RBM6: variants seen among roughly 807,000 people sequenced by gnomAD.
The protein encoded by RBM6 is RNA-binding protein 6.
RBM6 carries 23 observed loss-of-function variants against 140.4 expected under a neutral mutation model. That is an observed-to-expected ratio of 0.16 (90% CI 0.12 to 0.23). The LOEUF (loss-of-function observed/expected upper bound fraction) is 0.23. Ranked by LOEUF, RBM6 falls within the 10% of genes least tolerant of loss-of-function variation. The pLI is 1.00. For synonymous variants in RBM6, 439 were observed against 475.6 expected (o/e 0.92, Z 1.00); for missense variants, 1,139 against 1,386.7 (o/e 0.82, Z 2.84).
chr3:49,959,792 G>A (rs1343655881), intron 1 of RBM6, among the ~76,000 whole-genome samples: 3 of 150,538 alleles, frequency 2.0e-5, no homozygotes, highest in African/African-American at 4.9e-5. Flanking sequence ...GGCTGGTCTC[G>A]AACTCCTGAC....
At chr3:50,065,235 C>T (rs1214506209) in intron 16 of RBM6, 109 bp downstream of exon 16, 2 of 767,932 alleles carry the variant, frequency 2.6e-6, no homozygotes, top group East Asian at 5.0e-5. Context: ...TCTTTTACCT[C>T]ACTATGTCTC....
intron 5 of RBM6, among the ~76,000 whole-genome samples, chr3:49,979,111 A>G (rs2085187136): frequency 6.6e-6 from 1 of 152,220 alleles, no homozygotes; most frequent in Admixed American, 6.5e-5. Context: ...GGAGGAATGA[A>G]ATACTGATGT....
rs189816719 is a variant in RBM6, at chr3:50,043,792, A to C, written c.1558-4453A>C. Among the ~76,000 whole-genome samples the C allele has an allele frequency of 1.2e-4, 18 of 151,828 alleles. No homozygotes were observed. The East Asian group carries it at 2.3e-3, about 20-fold the overall frequency. Reference sequence around the variant, plus strand: ...AGAGACGGGATTTCACCATGTTGGCAGGGATGGTCTTGATCTCCTGACCTT... The same window carrying C: ...AGAGACGGGATTTCACCATGTTGGCCGGGATGGTCTTGATCTCCTGACCTT... On this transcript the variant is annotated intron_variant, in intron 6 of 20. Transcript: ENST00000266022.
intron 6 of RBM6, chr3:50,047,296 C>T (rs1266178695): frequency 1.3e-5 from 13 of 985,194 alleles, no homozygotes; most frequent in African/African-American, 3.5e-5. Flanking sequence ...ATGAACACAG[C>T]GCAGGGGCTA....
At chr3:50,061,921 G>T in intron 14 of RBM6, 41 bp from the exon 15 acceptor site, 2 of 1,593,516 alleles carry the variant, frequency 1.3e-6, no homozygotes, top group South Asian at 2.3e-5. Context: ...CTGGGAAACT[G>T]AAACATTCTG....
At chr3:49,955,826 G>GTCTCTCTCTCTCTCTGTGTC in intron 1 of RBM6, among the ~76,000 whole-genome samples, 1 of 148,588 alleles carries the variant, frequency 6.7e-6, no homozygotes, top group East Asian at 2.0e-4. Context: ...GCAAAACTCT[G>GTCTCTCTCTCTCTCTGTGTC]TCTCTCTCTC....
chr3:49,947,429 AAAAAT>A (rs1444034043), intron 1 of RBM6, among the ~76,000 whole-genome samples: 1 of 152,068 alleles, frequency 6.6e-6, no homozygotes, highest in East Asian at 1.9e-4. Context: ...CCCAGTCTCT[AAAAAT>A]AAAATAAAAT....
intron 6 of RBM6, among the ~76,000 whole-genome samples, chr3:50,041,000 C>T (rs1485993195): frequency 6.6e-6 from 1 of 152,146 alleles, no homozygotes; most frequent in Non-Finnish European, 1.5e-5. Context: ...GTGGGTGGGG[C>T]TCTGGGGCTC....
chr3:50,021,740 CTTTTTTTTTTTT>C (rs542734328), intron 6 of RBM6, among the ~76,000 whole-genome samples: 291 of 42,754 alleles, frequency 6.8e-3, no homozygotes, highest in African/African-American at 0.023. Flanking sequence ...AATTTAAGTG[CTTTTTTTTTTTT>C]TTTTTTTTTT....
At chr3:49,960,915 T>C (rs1481686149) in intron 1 of RBM6, among the ~76,000 whole-genome samples, 1 of 151,028 alleles carries the variant, frequency 6.6e-6, no homozygotes, top group Non-Finnish European at 1.5e-5. Context: ...AGTACCTTTT[T>C]TTTTTTTTTT....
At chr3:49,985,149 T>C (rs1466123866) in intron 5 of RBM6, among the ~76,000 whole-genome samples, 1 of 152,192 alleles carries the variant, frequency 6.6e-6, no homozygotes, top group Non-Finnish European at 1.5e-5. Context: ...TTTTGGTAGT[T>C]AGAAGTCACT....
chr3:50,033,691 G>A (rs2088323197), intron 6 of RBM6, among the ~76,000 whole-genome samples: 1 of 152,126 alleles, frequency 6.6e-6, no homozygotes, highest in Admixed American at 6.5e-5. Context: ...CTGTCACCAG[G>A]TGGAGTGCAG....
intron 6 of RBM6, among the ~76,000 whole-genome samples, chr3:50,014,562 T>G (rs1056634254): frequency 6.6e-6 from 1 of 152,246 alleles, no homozygotes; most frequent in African/African-American, 2.4e-5. Context: ...TTATACTGAT[T>G]AAAACATTTG....
chr3:49,984,601 A>ATCG (rs1559552631), intron 5 of RBM6, among the ~76,000 whole-genome samples: 133 of 91,656 alleles, frequency 1.5e-3, no homozygotes, highest in Non-Finnish European at 1.6e-3. Flanking sequence ...ACATCACATC[A>ATCG]CATCACATCA....
At position 50,075,233 on chromosome 3, in the gene RBM6, ACACTAGCAG is replaced by A. The variant is rs778106927; in HGVS notation, c.3152_3160del (p.Thr1051_Ser1053del). 6.2e-7 allele frequency: 1 copy of A among 1,613,978 alleles called. No homozygotes were observed. Among genetic ancestry groups the A allele is most frequent in the Non-Finnish European group, 8.5e-7 (1 of 1,180,010 alleles). On this transcript the variant is annotated inframe_deletion, in exon 20 of 21. Transcript: ENST00000266022. Reference sequence around the variant, plus strand: ...AAACTTGTTGATAAAGAAGATATCGACACTAGCAGCAAAGGAGGCTGTGTCCAACAGGCT... The same window carrying A: ...AAACTTGTTGATAAAGAAGATATCGACAAAGGAGGCTGTGTCCAACAGGCT...
intron 1 of RBM6, among the ~76,000 whole-genome samples, chr3:49,942,480 C>T (rs2083328458): frequency 6.8e-6 from 1 of 145,996 alleles, no homozygotes; most frequent in Non-Finnish European, 1.5e-5. Context: ...CAGAGCGAGA[C>T]TCCGAGACTC....
chr3:49,972,945 C>T (rs538689053), intron 4 of RBM6, among the ~76,000 whole-genome samples: 58 of 152,214 alleles, frequency 3.8e-4, no homozygotes, highest in Admixed American at 3.7e-3. Flanking sequence ...GTTCTCCTGC[C>T]GCAGCCTCCC....
chr3:49,968,866 G>T, intron 3 of RBM6, 118 bp downstream of exon 3: 1 of 1,252,492 alleles, frequency 8.0e-7, no homozygotes, highest in Non-Finnish European at 1.1e-6. Flanking sequence ...TGCAAGCTCC[G>T]CCTCCTGGGT....
chr3:50,025,587 ATT>A lies in RBM6; in HGVS notation c.1558-22640_1558-22639del, dbSNP rs761261742. 9.6e-5 allele frequency among the ~76,000 whole-genome samples: 12 copies of A among 124,430 alleles called. 1 individual carries two copies. Among genetic ancestry groups the A allele is most frequent in the Admixed American group, 2.5e-4 (3 of 11,810 alleles). The allele number at this position is 124,430 out of a possible 152,430, so 81.6% of individuals were successfully genotyped here. Reference sequence around the variant, plus strand: ...AACCTTTTATATATATACAACTTTAATTTTTTTTTTTTTTTTTTTAAGAGACA... The same window carrying A: ...AACCTTTTATATATATACAACTTTAATTTTTTTTTTTTTTTTTAAGAGACA... On this transcript the variant is annotated intron_variant, in intron 6 of 20. Transcript: ENST00000266022.
Sources: allele counts gnomAD v4.1 joint callset (sites outside exome capture counted in the v4.1 genomes callset), GRCh38; gene constraint gnomAD v4.1.1; transcripts MANE v1.5; gene names NCBI Gene and HGNC (gene_info 2026-07-23, HGNC 2026-07-21).